VSTM4: variants seen among roughly 807,000 people sequenced by gnomAD.
The protein encoded by VSTM4 is V-set and transmembrane domain-containing protein 4.
A neutral mutation model predicts 36.4 loss-of-function variants in VSTM4; 20 were observed. That is an observed-to-expected ratio of 0.55 (90% CI 0.39 to 0.80). The LOEUF (loss-of-function observed/expected upper bound fraction) is 0.80, where lower values mean the gene tolerates loss of function less well. Among genes scored for constraint, VSTM4 ranks in the 30% least tolerant of loss-of-function variants. VSTM4 has a pLI of 0.00. For missense variants in VSTM4, 392 were observed against 404.5 expected (o/e 0.97, Z 0.26); for synonymous variants, 182 against 173.9 (o/e 1.05, Z -0.37).
chr10:49,022,671 T>C (rs1260694542), intron 7 of VSTM4, among the ~76,000 whole-genome samples: 3 of 152,168 alleles, frequency 2.0e-5, no homozygotes, highest in African/African-American at 7.2e-5. Flanking sequence ...GTTTACATTC[T>C]CGCTTTTCAG....
chr10:49,087,640 G>A (rs906973941), intron 2 of VSTM4, among the ~76,000 whole-genome samples: 3 of 151,902 alleles, frequency 2.0e-5, no homozygotes, highest in African/African-American at 7.3e-5. Flanking sequence ...AAAATCCTGG[G>A]GTATTTACCA....
intron 2 of VSTM4, among the ~76,000 whole-genome samples, chr10:49,101,869 G>A (rs1639698011): frequency 6.6e-6 from 1 of 152,100 alleles, no homozygotes; most frequent in African/African-American, 2.4e-5. Context: ...ATACAGTTTG[G>A]TATTATCTCA....
At chr10:49,094,795 G>A (rs920601802) in intron 2 of VSTM4, among the ~76,000 whole-genome samples, 2 of 152,122 alleles carry the variant, frequency 1.3e-5, no homozygotes, top group Non-Finnish European at 2.9e-5. Context: ...GGTGGGGGGC[G>A]TGCCACTGCA....
Position 49,048,696 on chromosome 10 carries a change from C to T in VSTM4, c.669-112G>A, listed in dbSNP as rs567970160. 1.1e-5 allele frequency: 9 copies of T among 820,440 alleles called. No individual in the cohort carries two copies. In the East Asian group the frequency reaches 2.5e-4, roughly 23 times the overall value. The allele number at this position is 820,440 out of a possible 1,614,324, so 50.8% of individuals were successfully genotyped here. A position where few individuals can be genotyped will look rare whatever the true frequency, so the allele number is the denominator to read the frequency against. On this transcript the variant is annotated intron_variant, in intron 5 of 7. Transcript: ENST00000332853. ...TAGTTTCTGAGTGCTCCCTGTGTAC[C>T]TGTGTAAGGGAAGGTTATCATATGG...
At position 49,085,004 on chromosome 10, in the gene VSTM4, T is replaced by C. The variant is rs538693050; in HGVS notation, c.526+951A>G. Among the ~76,000 whole-genome samples, 3 of 152,336 alleles carry C rather than the reference T, an allele frequency of 2.0e-5. No homozygotes were observed. In the East Asian group the frequency reaches 5.8e-4, roughly 29 times the overall value. On this transcript the variant is annotated intron_variant, in intron 3 of 7. Coordinates refer to ENST00000332853, the MANE Select transcript of VSTM4 (RefSeq NM_001031746.5). ...GACAACCAAAGATACATGCAGACATTGGCAACTGTACCCTGGAGTAGCAAA... is the reference window on the plus strand; with the variant it reads ...GACAACCAAAGATACATGCAGACATCGGCAACTGTACCCTGGAGTAGCAAA...
intron 1 of VSTM4, among the ~76,000 whole-genome samples, chr10:49,111,915 G>C (rs1844901460): frequency 6.6e-6 from 1 of 152,048 alleles, no homozygotes; most frequent in African/African-American, 2.4e-5. Flanking sequence ...GGGACTCTGG[G>C]GATGTGAGCT....
intron 7 of VSTM4, among the ~76,000 whole-genome samples, chr10:49,031,904 T>C (rs1218922480): frequency 6.6e-6 from 1 of 152,080 alleles, no homozygotes; most frequent in Non-Finnish European, 1.5e-5. Context: ...GCACTGTTCA[T>C]TCAGGGTCTA....
At chr10:49,095,014 G>A (rs1440149927) in intron 2 of VSTM4, among the ~76,000 whole-genome samples, 4 of 152,216 alleles carry the variant, frequency 2.6e-5, no homozygotes, top group South Asian at 2.1e-4. Context: ...AGCTTATGCC[G>A]CCCTTTCCTA....
At chr10:49,094,026 C>T (rs1038215782) in intron 2 of VSTM4, among the ~76,000 whole-genome samples, 5 of 152,260 alleles carry the variant, frequency 3.3e-5, no homozygotes, top group African/African-American at 9.6e-5. Flanking sequence ...GGATTACAGG[C>T]GTTAGCCACG....
intron 2 of VSTM4, among the ~76,000 whole-genome samples, chr10:49,093,709 C>T (rs974644677): frequency 1.3e-5 from 2 of 150,572 alleles, no homozygotes; most frequent in African/African-American, 4.9e-5. Context: ...TTTCTAGAAT[C>T]CTTCTTGGCC....
At chr10:49,061,668 A>C (rs7073208) in intron 5 of VSTM4, among the ~76,000 whole-genome samples, 56,864 of 152,022 alleles carry the variant, frequency 0.37, 11,866 homozygotes, top group African/African-American at 0.56. Flanking sequence ...GCCCTGAAGT[A>C]CATCTTATCA....
intron 2 of VSTM4, among the ~76,000 whole-genome samples, chr10:49,087,116 G>C (rs1179788389): frequency 2.6e-5 from 4 of 152,046 alleles, no homozygotes; most frequent in Admixed American, 2.6e-4. Flanking sequence ...ATTTCCTATT[G>C]ACATATCTTC....
At chr10:49,051,488 C>T (rs548653298) in intron 5 of VSTM4, among the ~76,000 whole-genome samples, 3 of 151,950 alleles carry the variant, frequency 2.0e-5, no homozygotes, top group African/African-American at 7.2e-5. Flanking sequence ...CTCCGCCTCC[C>T]GGGTTCAAGC....
chr10:49,027,295 C>A (rs1843277454), intron 7 of VSTM4, among the ~76,000 whole-genome samples: 1 of 152,156 alleles, frequency 6.6e-6, no homozygotes, highest in African/African-American at 2.4e-5. Flanking sequence ...TCTAAGCATG[C>A]ATGTTTCTGA....
At chr10:49,106,581 C>T (rs879793244) in intron 2 of VSTM4, among the ~76,000 whole-genome samples, 2 of 152,354 alleles carry the variant, frequency 1.3e-5, no homozygotes, top group South Asian at 2.1e-4. Context: ...AATTTCTTGG[C>T]GAGCTGTTGC....
chr10:49,060,302 A>G (rs1843854056), intron 5 of VSTM4, among the ~76,000 whole-genome samples: 1 of 152,230 alleles, frequency 6.6e-6, no homozygotes, highest in East Asian at 1.9e-4. Context: ...GTGGTGGCAC[A>G]ATTTTATATT....
At chr10:49,107,550 C>T in intron 2 of VSTM4, 44 bp downstream of exon 2, 3 of 1,556,904 alleles carry the variant, frequency 1.9e-6, no homozygotes, top group Non-Finnish European at 1.7e-6. Context: ...GGCCTACTGG[C>T]CTGCCCCACC....
intron 5 of VSTM4, 121 bp from the exon 6 acceptor site, chr10:49,048,705 G>T: frequency 1.3e-6 from 1 of 769,468 alleles, no homozygotes; most frequent in East Asian, 2.9e-5. Context: ...CCTGTGTAAG[G>T]GAAGGTTATC....
At chr10:49,051,390 C>CTTTTTTTTTTTTTT (rs796786621) in intron 5 of VSTM4, among the ~76,000 whole-genome samples, 2 of 130,802 alleles carry the variant, frequency 1.5e-5, no homozygotes, top group Non-Finnish European at 3.2e-5. Context: ...CAGCTCATTT[C>CTTTTTTTTTTTTTT]TTTTTTTTTT....
Sources: allele counts gnomAD v4.1 joint callset (sites outside exome capture counted in the v4.1 genomes callset), GRCh38; gene constraint gnomAD v4.1.1; transcripts MANE v1.5; gene names NCBI Gene and HGNC (gene_info 2026-07-23, HGNC 2026-07-21).